EPB41L3: variants seen among roughly 807,000 people sequenced by gnomAD.
The protein encoded by EPB41L3 is band 4.1-like protein 3.
Under a neutral mutation model 127.1 loss-of-function variants are expected in EPB41L3, and 57 were observed. The ratio of observed to expected loss-of-function variants is 0.45; its 90% CI spans 0.36 to 0.56. EPB41L3 has a LOEUF of 0.56. Ranked by LOEUF, EPB41L3 falls within the 20% of genes least tolerant of loss-of-function variation. The probability of loss-of-function intolerance (pLI) is 0.00; values close to 1 mark genes in which losing one functional copy is unlikely to be tolerated. For synonymous variants in EPB41L3, 572 were observed against 549.5 expected (o/e 1.04, Z -0.57); for missense variants, 1,273 against 1,372.2 (o/e 0.93, Z 1.14).
intron 1 of EPB41L3, among the ~76,000 whole-genome samples, chr18:5,532,680 T>C (rs2093448111): frequency 6.6e-6 from 1 of 152,140 alleles, no homozygotes; most frequent in South Asian, 2.1e-4. Flanking sequence ...GGGAGATGCT[T>C]GAACTAGAAT....
chr18:5,569,469 T>C (rs1202056381), intron 3 of EPB41L3, among the ~76,000 whole-genome samples: 1 of 152,172 alleles, frequency 6.6e-6, no homozygotes, highest in Non-Finnish European at 1.5e-5. Context: ...CCATTGTGAA[T>C]GAGCAGCCAC....
intron 12 of EPB41L3, among the ~76,000 whole-genome samples, chr18:5,418,969 T>C (rs2077144611): frequency 1.3e-5 from 2 of 152,320 alleles, no homozygotes; most frequent in African/African-American, 4.8e-5. Flanking sequence ...ACTCTGTTTT[T>C]CCCTTATTAT....
intron 3 of EPB41L3, among the ~76,000 whole-genome samples, chr18:5,582,637 G>A (rs2094404038): frequency 6.6e-6 from 1 of 152,210 alleles, no homozygotes; most frequent in Non-Finnish European, 1.5e-5. Context: ...ATGAGTGCTA[G>A]AAAGGACTCA....
Position 5,527,488 on chromosome 18 carries a change from G to A in EPB41L3, c.-12+16425C>T, listed in dbSNP as rs144457188. On this transcript the variant is annotated intron_variant, in intron 1 of 22. Coordinates refer to ENST00000341928, the MANE Select transcript of EPB41L3 (RefSeq NM_012307.5). ...ACTCTTTCATTTGAGGATTTACTGA[G>A]CACCTACAGAAGTGCTGAGCAGTGT... Among the ~76,000 whole-genome samples the A allele has an allele frequency of 2.0e-5, 3 of 152,214 alleles. No homozygotes were observed. In the East Asian group the frequency reaches 5.8e-4, roughly 29 times the overall value.
At chr18:5,550,660 C>G (rs2093951389) in intron 3 of EPB41L3, among the ~76,000 whole-genome samples, 1 of 152,038 alleles carries the variant, frequency 6.6e-6, no homozygotes, top group African/African-American at 2.4e-5. Context: ...TAGTAATGCC[C>G]CAGAAGGCTT....
intron 3 of EPB41L3, among the ~76,000 whole-genome samples, chr18:5,454,274 CAA>C (rs1378856322): frequency 7.1e-6 from 1 of 140,402 alleles, no homozygotes; most frequent in African/African-American, 2.7e-5. Context: ...AACCCAGGAA[CAA>C]AAGATGATGG....
At chr18:5,615,882 C>G (rs999539984) in intron 1 of EPB41L3, among the ~76,000 whole-genome samples, 2 of 152,150 alleles carry the variant, frequency 1.3e-5, no homozygotes, top group Non-Finnish European at 2.9e-5. Context: ...TGAAATCCCA[C>G]CTTTCACAGG....
chr18:5,581,646 G>C (rs897668350), intron 3 of EPB41L3, among the ~76,000 whole-genome samples: 1 of 152,190 alleles, frequency 6.6e-6, no homozygotes, highest in African/African-American at 2.4e-5. Flanking sequence ...CCACAGTTTA[G>C]TTCTGCCTTA....
chr18:5,483,625 A>G (rs76780067), intron 2 of EPB41L3, among the ~76,000 whole-genome samples: 6,462 of 152,058 alleles, frequency 0.042, 342 homozygotes, highest in East Asian at 0.14. Context: ...AAAAGGTGGA[A>G]AAAAAAACCA....
At chr18:5,478,811 T>A (rs1008473691) in intron 2 of EPB41L3, among the ~76,000 whole-genome samples, 1 of 152,198 alleles carries the variant, frequency 6.6e-6, no homozygotes, top group African/African-American at 2.4e-5. Flanking sequence ...ATTTTCTTAA[T>A]TCACCAGATC....
intron 1 of EPB41L3, among the ~76,000 whole-genome samples, chr18:5,515,708 T>C (rs1340156709): frequency 6.6e-6 from 1 of 152,048 alleles, no homozygotes; most frequent in Non-Finnish European, 1.5e-5. Context: ...TGAAACACAG[T>C]TGTAAGTCAA....
At chr18:5,404,792 T>C (rs1485546511) in intron 16 of EPB41L3, among the ~76,000 whole-genome samples, 1 of 152,206 alleles carries the variant, frequency 6.6e-6, no homozygotes, top group African/African-American at 2.4e-5. Context: ...ATTTAGTTTG[T>C]GTTTTTGTAA....
intron 12 of EPB41L3, among the ~76,000 whole-genome samples, chr18:5,419,154 A>C (rs1226057506): frequency 3.3e-5 from 5 of 152,228 alleles, no homozygotes; most frequent in African/African-American, 1.2e-4. Context: ...CTGAAAGAAG[A>C]AGCTGCTGCC....
At chr18:5,590,921 T>C (rs1364031167) in intron 3 of EPB41L3, among the ~76,000 whole-genome samples, 1 of 152,116 alleles carries the variant, frequency 6.6e-6, no homozygotes, top group Non-Finnish European at 1.5e-5. Flanking sequence ...GGGATGGGTA[T>C]GACTACGAAG....
At chr18:5,554,026 C>T (rs1197597299) in intron 3 of EPB41L3, among the ~76,000 whole-genome samples, 1 of 152,200 alleles carries the variant, frequency 6.6e-6, no homozygotes, top group East Asian at 1.9e-4. Flanking sequence ...CAGCTCTTCT[C>T]TAGGAAATAC....
chr18:5,524,414 C>T (rs894480376), intron 1 of EPB41L3, among the ~76,000 whole-genome samples: 43 of 152,082 alleles, frequency 2.8e-4, no homozygotes, highest in Admixed American at 2.0e-4. Context: ...AGGCTGGTCT[C>T]GAACTCCTGA....
intron 3 of EPB41L3, among the ~76,000 whole-genome samples, chr18:5,463,985 C>A (rs1370634010): frequency 6.6e-6 from 1 of 152,102 alleles, no homozygotes; most frequent in Non-Finnish European, 1.5e-5. Flanking sequence ...CCGATCCTTC[C>A]ACTCCAGGGC....
At chr18:5,615,994 C>T (rs938415140) in intron 1 of EPB41L3, among the ~76,000 whole-genome samples, 3 of 152,134 alleles carry the variant, frequency 2.0e-5, no homozygotes, top group African/African-American at 7.2e-5. Context: ...GGAAGGTCTT[C>T]TGTTCTCTTC....
chr18:5,457,355 G>A lies in EPB41L3; in HGVS notation c.382-12111C>T, dbSNP rs907861133. On this transcript the variant is annotated intron_variant, in intron 3 of 22. Transcript: ENST00000341928. ...AACTTGAGTAAGGTTCAGGACTGAG[G>A]GGCTCGGGAAGCTCTGCTCCCCTGC... Among the ~76,000 whole-genome samples, 8 of 151,994 alleles carry A rather than the reference G, an allele frequency of 5.3e-5. 1 individual carries two copies. The highest frequency in any genetic ancestry group is 4.6e-4 in the Admixed American group (7 of 15,240).
Sources: allele counts gnomAD v4.1 joint callset (sites outside exome capture counted in the v4.1 genomes callset), GRCh38; gene constraint gnomAD v4.1.1; transcripts MANE v1.5; gene names NCBI Gene and HGNC (gene_info 2026-07-23, HGNC 2026-07-21).